SDC3: variants seen among roughly 807,000 people sequenced by gnomAD.
The protein encoded by SDC3 is syndecan-3.
In SDC3, 13 loss-of-function variants were observed where a neutral mutation model predicts 24.4. The observed-to-expected ratio is 0.53, with a 90% CI of 0.35 to 0.85. The LOEUF is 0.85. Among genes scored for constraint, SDC3 ranks in the 40% least tolerant of loss-of-function variants. The pLI, the probability that SDC3 is intolerant of heterozygous loss-of-function variation, is 0.01. For missense variants in SDC3, 571 were observed against 584.5 expected, an observed-to-expected ratio of 0.98 and a Z score of 0.24; for synonymous variants, 295 against 260.9, an observed-to-expected ratio of 1.13 and a Z score of -1.26.
chr1:30,879,426 T>A (rs1373569881), intron 1 of SDC3, among the ~76,000 whole-genome samples: 1 of 152,232 alleles, frequency 6.6e-6, no homozygotes, highest in Non-Finnish European at 1.5e-5. Flanking sequence ...TTGCTGGGTC[T>A]TCCTCCTTTT....
Position 30,908,518 on chromosome 1 carries a change from G to C in SDC3, c.69C>G (p.Ala23=). Residue 23 remains alanine, a synonymous_variant, in exon 1 of 5, where the codon GCC becomes GCG. Coordinates refer to ENST00000339394, the MANE Select transcript of SDC3 (RefSeq NM_014654.4). ...GGAGCAGCCCGCGGGCCCCGGGCCC[G>C]GCCGCGGCCCCGGCCCCGGCGCCGG... ...HGAGAGAGAA[A]GPGARGLLLP... is the part of the protein sequence containing the mutation. The C allele has an allele frequency of 1.0e-6, 1 of 975,492 alleles. No individual in the cohort carries two copies. The highest frequency in any genetic ancestry group is 1.8e-5 in the African/African-American group (1 of 55,684). 60.4% of individuals were successfully genotyped at this position (975,492 alleles called of 1,614,324 possible).
chr1:30,909,507 A>G (rs1215026299), upstream of SDC3, among the ~76,000 whole-genome samples: 1 of 152,084 alleles, frequency 6.6e-6, no homozygotes, highest in African/African-American at 2.4e-5. Context: ...AGAAAAGTAC[A>G]TCTCTGAGTG....
At chr1:30,894,750 T>C (rs1639976651) in intron 1 of SDC3, among the ~76,000 whole-genome samples, 1 of 151,666 alleles carries the variant, frequency 6.6e-6, no homozygotes, top group African/African-American at 2.4e-5. Context: ...TGTGTGGGCG[T>C]ACACAGGCAT....
At chr1:30,875,083 G>GTT (rs1639614801) in intron 3 of SDC3, among the ~76,000 whole-genome samples, 1 of 152,328 alleles carries the variant, frequency 6.6e-6, no homozygotes, top group African/African-American at 2.4e-5. Context: ...TGCAGACTAT[G>GTT]ATGGCCTCAG....
Position 30,908,653 on chromosome 1 carries a change from G to T in SDC3, c.-67C>A. 2 of 607,696 alleles carry T rather than the reference G, an allele frequency of 3.3e-6. No homozygotes were observed. Among genetic ancestry groups the T allele is most frequent in the South Asian group, 1.4e-4 (2 of 14,542 alleles). The allele number at this position is 607,696 out of a possible 1,614,324, so 37.6% of individuals were successfully genotyped here. ...CTTTGTTCCCGAGGCGCGGCGCGCG[G>T]GGCGGCTGCTTGGCGGCGGCGCGGC... On this transcript the variant is annotated 5_prime_UTR_variant, in exon 1 of 5. Coordinates refer to ENST00000339394, the MANE Select transcript of SDC3 (RefSeq NM_014654.4).
chr1:30,907,999 G>C (rs1638561310), intron 1 of SDC3, among the ~76,000 whole-genome samples: 1 of 152,196 alleles, frequency 6.6e-6, no homozygotes, highest in African/African-American at 2.4e-5. Flanking sequence ...ACACCCAGCC[G>C]GGACGGCGAC....
rs138289404 is a variant in SDC3, at chr1:30,902,804, C to T, written c.138+5645G>A. Among the ~76,000 whole-genome samples, 116 of 152,340 alleles carry T rather than the reference C, an allele frequency of 7.6e-4. 1 individual carries two copies. In the East Asian group the frequency reaches 0.011, roughly 15 times the overall value. On this transcript the variant is annotated intron_variant, in intron 1 of 4. Coordinates refer to ENST00000339394, the MANE Select transcript of SDC3 (RefSeq NM_014654.4). Reference sequence around the variant, plus strand: ...GATGCAGCCCCCTGGCGCCTCCCAGCCCACGGGCACATGCCTTGCATGCAG... The same window carrying T: ...GATGCAGCCCCCTGGCGCCTCCCAGTCCACGGGCACATGCCTTGCATGCAG...
intron 1 of SDC3, among the ~76,000 whole-genome samples, chr1:30,900,966 G>C (rs1296265490): frequency 6.6e-6 from 1 of 152,132 alleles, no homozygotes; most frequent in Non-Finnish European, 1.5e-5. Context: ...GAAGGCCCAA[G>C]TCAGTGTTAT....
In SDC3 at chr1:30,872,652, T is replaced by G. The variant is rs1403200428; in HGVS notation, c.*559A>C. The stretch of plus-strand genomic sequence containing the variant: ...TGTACTTGGCAGGCAAGAGGAGAGA[T>G]TCAACAACCCCAGAGAGACCAGGAC... On this transcript the variant is annotated 3_prime_UTR_variant, in exon 5 of 5. Transcript: ENST00000339394. 1 of 153,474 alleles carries G rather than the reference T, an allele frequency of 6.5e-6. No homozygotes were observed. The highest frequency in any genetic ancestry group is 2.4e-5 in the African/African-American group (1 of 41,402). 9.5% of individuals were successfully genotyped at this position (153,474 alleles called of 1,614,324 possible).
At chr1:30,900,061 G>A (rs1053665364) in intron 1 of SDC3, among the ~76,000 whole-genome samples, 3 of 152,096 alleles carry the variant, frequency 2.0e-5, no homozygotes, top group Non-Finnish European at 2.9e-5. Flanking sequence ...CAGTCTGATC[G>A]CCCTTTCTTT....
intron 1 of SDC3, among the ~76,000 whole-genome samples, chr1:30,879,366 AC>A (rs1427085651): frequency 1.3e-5 from 2 of 152,204 alleles, no homozygotes; most frequent in Non-Finnish European, 2.9e-5. Flanking sequence ...TTTACTTTCT[AC>A]CAGTGAGTCA....
At chr1:30,906,754 C>T (rs1201192494) in intron 1 of SDC3, among the ~76,000 whole-genome samples, 1 of 152,154 alleles carries the variant, frequency 6.6e-6, no homozygotes, top group Admixed American at 6.5e-5. Flanking sequence ...CACGAATCGG[C>T]GGGGGTAGCA....
chr1:30,904,855 G>A (rs1638484487), intron 1 of SDC3, among the ~76,000 whole-genome samples: 1 of 152,090 alleles, frequency 6.6e-6, no homozygotes, highest in Admixed American at 6.6e-5. Context: ...AGCTCACTAC[G>A]TGGCAGGTGT....
chr1:30,874,460 C>A lies in SDC3; in HGVS notation c.999G>T (p.Val333=), dbSNP rs1354654634. 58 of 1,614,060 alleles carry A rather than the reference C, an allele frequency of 3.6e-5. No homozygotes were observed. The highest frequency in any genetic ancestry group is 4.8e-5 in the Non-Finnish European group (57 of 1,180,018). The change falls in exon 4 of 5, where the codon GTG becomes GTT. Residue 333 remains valine (V), a synonymous_variant. Transcript: ENST00000339394. ...ETTQPDTANE[V]VAVGGAAAKA... ...TGGCCGCAGCCCCTCCCACAGCTAC[C>A]ACCTCATTGGCTGTGTCTGGTTGTG... is the stretch of plus-strand genomic sequence containing the variant.
intron 1 of SDC3, among the ~76,000 whole-genome samples, chr1:30,890,767 T>A (rs1639892337): frequency 6.6e-6 from 1 of 152,168 alleles, no homozygotes; most frequent in Non-Finnish European, 1.5e-5. Context: ...AAGCCCAGCA[T>A]TCCTTATCCT....
In SDC3 at chr1:30,908,466, CCAGCAG is replaced by C. The variant is rs769204859; in HGVS notation, c.115_120del (p.Leu39_Leu40del). The C allele has an allele frequency of 2.7e-5, 28 of 1,033,364 alleles. No homozygotes were observed. The South Asian group carries it at 3.4e-4, about 13-fold the overall frequency. The allele number at this position is 1,033,364 out of a possible 1,614,324, so 64.0% of individuals were successfully genotyped here. On this transcript the variant is annotated inframe_deletion, in exon 1 of 5. Coordinates refer to ENST00000339394, the MANE Select transcript of SDC3 (RefSeq NM_014654.4). ...TCACTCACCCCCGCGGCGCGCCCCG[CCAGCAG>C]CAGCAGCAGCAGCGGTGGCAGGAGC...
intron 1 of SDC3, among the ~76,000 whole-genome samples, chr1:30,882,267 C>T (rs562719430): frequency 2.0e-5 from 3 of 152,364 alleles, no homozygotes; most frequent in South Asian, 2.1e-4. Context: ...ACACACACAT[C>T]GGGATGAAAT....
At chr1:30,901,096 G>A (rs1228940742) in intron 1 of SDC3, among the ~76,000 whole-genome samples, 1 of 152,204 alleles carries the variant, frequency 6.6e-6, no homozygotes, top group Non-Finnish European at 1.5e-5. Context: ...CCAGCTCCTG[G>A]CTGTGTGTGC....
chr1:30,885,290 A>C (rs937332443), intron 1 of SDC3, among the ~76,000 whole-genome samples: 6 of 151,750 alleles, frequency 4.0e-5, no homozygotes, highest in African/African-American at 1.4e-4. Flanking sequence ...AGGTTACAAA[A>C]AATATGTAGA....
Sources: allele counts gnomAD v4.1 joint callset (sites outside exome capture counted in the v4.1 genomes callset), GRCh38; gene constraint gnomAD v4.1.1; transcripts MANE v1.5; gene names NCBI Gene and HGNC (gene_info 2026-07-23, HGNC 2026-07-21).